Variants in CPAMD8 observed in about 807,000 individuals in gnomAD.
CPAMD8 encodes C3 and PZP-like alpha-2-macroglobulin domain-containing protein 8.
CPAMD8 carries 146 observed loss-of-function variants against 224.7 expected under a neutral mutation model. The ratio of observed to expected loss-of-function variants is 0.65; its 90% CI spans 0.57 to 0.75. CPAMD8 has a LOEUF of 0.75. Among genes scored for constraint, CPAMD8 ranks in the 30% least tolerant of loss-of-function variants. CPAMD8 has a pLI of 0.00. For missense variants in CPAMD8, 2,301 were observed against 2,537.5 expected, an observed-to-expected ratio of 0.91 and a Z score of 2.00; for synonymous variants, 966 against 1,044.6, an observed-to-expected ratio of 0.92 and a Z score of 1.45.
intron 22 of CPAMD8, among the ~76,000 whole-genome samples, chr19:16,944,929 G>C (rs2054020258): frequency 6.6e-6 from 1 of 152,196 alleles, no homozygotes; most frequent in African/African-American, 2.4e-5. Context: ...GTAGGGCTCT[G>C]ATGTGTCCAA....
intron 19 of CPAMD8, among the ~76,000 whole-genome samples, chr19:16,955,761 C>A (rs956385447): frequency 1.3e-5 from 2 of 152,182 alleles, no homozygotes; most frequent in African/African-American, 4.8e-5. Context: ...ACTGCAGCCT[C>A]AACCTCCTGG....
Position 16,899,216 on chromosome 19 carries a change from TG to T in CPAMD8, c.4848+258del, listed in dbSNP as rs1233759885. Among the ~76,000 whole-genome samples the T allele has an allele frequency of 6.6e-6, 1 of 152,096 alleles. No homozygotes were observed. The highest frequency in any genetic ancestry group is 2.4e-5 in the African/African-American group (1 of 41,414). ...GATTGCAGGCGTAAGCCAAAGGGCC[TG>T]GGCACTTTTTTATATTTTTTGTAAA... On this transcript the variant is annotated intron_variant, in intron 37 of 41. Coordinates refer to ENST00000443236, the MANE Select transcript of CPAMD8 (RefSeq NM_015692.5). The surrounding 1 kb of genome is among the most constrained non-coding windows in gnomAD (Gnocchi z 5.4).
At chr19:17,017,357 A>G (rs4808553) in intron 3 of CPAMD8, among the ~76,000 whole-genome samples, 84,714 of 152,018 alleles carry the variant, frequency 0.56, 25,291 homozygotes, top group African/African-American at 0.78. Flanking sequence ...AATAAAGCAC[A>G]CAATAAATGG....
At position 16,971,076 on chromosome 19, in the gene CPAMD8, T is replaced by C. The variant is rs1375227561; in HGVS notation, c.2071-43A>G. On this transcript the variant is annotated intron_variant, in intron 17 of 41. Coordinates refer to ENST00000443236, the MANE Select transcript of CPAMD8 (RefSeq NM_015692.5). ...CCCAAACCATTGGTGGGGAAGTGGA[T>C]GCTGACAGCCCCCAGAAGCATAAGG... 3.9e-6 allele frequency: 6 copies of C among 1,540,638 alleles called. No homozygotes were observed. The South Asian group carries it at 4.8e-5, about 12-fold the overall frequency.
intron 15 of CPAMD8, 111 bp downstream of exon 15, chr19:16,977,257 C>A: frequency 1.4e-6 from 1 of 701,194 alleles, no homozygotes; most frequent in Non-Finnish European, 2.5e-6. Flanking sequence ...TTCCTTACAT[C>A]ATGCTGCGAC....
chr19:16,934,968 C>T (rs780637129), intron 23 of CPAMD8, among the ~76,000 whole-genome samples: 22 of 152,080 alleles, frequency 1.4e-4, no homozygotes, highest in Non-Finnish European at 3.1e-4. Context: ...ATTAAGCACT[C>T]GCTCCCTATT....
intron 9 of CPAMD8, 46 bp downstream of exon 9, chr19:17,002,214 TGGGGAA>T: frequency 8.3e-7 from 1 of 1,201,028 alleles, no homozygotes; most frequent in Non-Finnish European, 1.2e-6. Context: ...GCGTGATGGT[TGGGGAA>T]GGGGAAGGGC....
intron 20 of CPAMD8, among the ~76,000 whole-genome samples, chr19:16,949,138 A>G (rs1162129479): frequency 1.3e-5 from 2 of 152,066 alleles, no homozygotes; most frequent in Non-Finnish European, 2.9e-5. Context: ...CCAGGTCCTG[A>G]GTGAAATGAC....
At position 16,894,436 on chromosome 19, in the gene CPAMD8, G is replaced by A; in HGVS notation, c.5427-1097C>T. 3 of 456,710 alleles carry A rather than the reference G, an allele frequency of 6.6e-6. 1 individual carries two copies. Among genetic ancestry groups the A allele is most frequent in the South Asian group, 4.6e-5 (3 of 64,572 alleles). The allele number at this position is 456,710 out of a possible 1,614,324, so 28.3% of individuals were successfully genotyped here. On this transcript the variant is annotated intron_variant, in intron 41 of 41. Coordinates refer to ENST00000443236, the MANE Select transcript of CPAMD8 (RefSeq NM_015692.5). The stretch of plus-strand genomic sequence containing the variant: ...AGCCGTTAGGAAGAGAAGCCGCTCT[G>A]ACTGGCCAGGAGAGGAGAAAGATTC...
At chr19:16,918,635 T>G (rs1353135330) in intron 27 of CPAMD8, among the ~76,000 whole-genome samples, 1 of 151,706 alleles carries the variant, frequency 6.6e-6, no homozygotes, top group Non-Finnish European at 1.5e-5. Context: ...TTTGCCGAGA[T>G]GAGGTCTTGC....
chr19:16,977,287 T>C, intron 15 of CPAMD8, 81 bp downstream of exon 15: 3 of 857,222 alleles, frequency 3.5e-6, no homozygotes, highest in Non-Finnish European at 5.8e-6. Context: ...GTCTCAGGTG[T>C]GCACAGACCC....
At chr19:16,978,038 G>C (rs996465058) in intron 14 of CPAMD8, among the ~76,000 whole-genome samples, 1 of 152,156 alleles carries the variant, frequency 6.6e-6, no homozygotes, top group Non-Finnish European at 1.5e-5. Context: ...TTAAAGGATA[G>C]AGGATCTTAG....
chr19:16,961,468 G>C (rs2054654486), intron 18 of CPAMD8, among the ~76,000 whole-genome samples: 1 of 152,262 alleles, frequency 6.6e-6, no homozygotes, highest in African/African-American at 2.4e-5. Context: ...GGGGAGGGGT[G>C]CCCACCATTG....
At chr19:16,958,127 T>A (rs886251934) in intron 18 of CPAMD8, among the ~76,000 whole-genome samples, 12 of 152,334 alleles carry the variant, frequency 7.9e-5, no homozygotes, top group Admixed American at 4.6e-4. Flanking sequence ...CTTGTTTTTT[T>A]AAAAACTTTA....
At chr19:17,008,366 C>A (rs2056550361) in intron 7 of CPAMD8, 139 bp downstream of exon 7, 18 of 1,083,048 alleles carry the variant, frequency 1.7e-5, no homozygotes, top group Non-Finnish European at 2.4e-5. Flanking sequence ...TGGGTACCTG[C>A]CCTCCGCTCC....
intron 26 of CPAMD8, among the ~76,000 whole-genome samples, chr19:16,922,261 G>C (rs191837641): frequency 6.6e-6 from 1 of 151,186 alleles, no homozygotes; most frequent in African/African-American, 2.4e-5. Context: ...ACCACATCTG[G>C]GCTCACTGAA....
intron 7 of CPAMD8, among the ~76,000 whole-genome samples, chr19:17,006,242 G>A (rs1269749163): frequency 6.6e-6 from 1 of 152,160 alleles, no homozygotes; most frequent in African/African-American, 2.4e-5. Flanking sequence ...CATTACAGGT[G>A]TGAGCCACCA....
intron 13 of CPAMD8, among the ~76,000 whole-genome samples, chr19:16,982,702 G>A (rs144646285): frequency 3.8e-4 from 58 of 152,252 alleles, no homozygotes; most frequent in Middle Eastern, 6.8e-3. Context: ...GCTGGGTGTG[G>A]TGGCACAAGC....
intron 13 of CPAMD8, among the ~76,000 whole-genome samples, chr19:16,989,088 T>C (rs1306026380): frequency 3.9e-5 from 6 of 152,208 alleles, no homozygotes; most frequent in Non-Finnish European, 8.8e-5. Context: ...CCACTGATTC[T>C]ACATGATGGT....
Sources: allele counts gnomAD v4.1 joint callset (sites outside exome capture counted in the v4.1 genomes callset), GRCh38; gene constraint gnomAD v4.1.1; non-coding constraint Gnocchi (gnomAD v3.1); transcripts MANE v1.5; gene names NCBI Gene and HGNC (gene_info 2026-07-23, HGNC 2026-07-21).